Variants in SPIRE1 observed in about 807,000 individuals in gnomAD.
SPIRE1 encodes the protein protein spire homolog 1.
Under a neutral mutation model 94.1 loss-of-function variants are expected in SPIRE1, and 40 were observed. The ratio of observed to expected loss-of-function variants is 0.43; its 90% CI spans 0.33 to 0.55. The LOEUF is 0.55. SPIRE1 is among the 20% of genes least tolerant of loss of function. SPIRE1 has a pLI of 0.06. For missense variants in SPIRE1, 838 were observed against 975.2 expected (o/e 0.86, Z 1.87); for synonymous variants, 376 against 371.7 (o/e 1.01, Z -0.13).
chr18:12,597,254 T>TATAA (rs1278048412), intron 2 of SPIRE1, among the ~76,000 whole-genome samples: 1 of 151,630 alleles, frequency 6.6e-6, no homozygotes, highest in African/African-American at 2.4e-5. Flanking sequence ...ATAGCTTATT[T>TATAA]ATAACCCCCC....
chr18:12,456,698 G>A (rs2031522678), intron 12 of SPIRE1, among the ~76,000 whole-genome samples: 1 of 152,076 alleles, frequency 6.6e-6, no homozygotes. Flanking sequence ...TCATTTGTAG[G>A]GATACGCTAG....
At chr18:12,518,561 T>C (rs1292662233) in intron 4 of SPIRE1, among the ~76,000 whole-genome samples, 6 of 151,652 alleles carry the variant, frequency 4.0e-5, no homozygotes, top group African/African-American at 1.5e-4. Flanking sequence ...CTCATGCCTG[T>C]AGTCCCAACT....
chr18:12,603,852 C>T (rs1207302091), intron 2 of SPIRE1, among the ~76,000 whole-genome samples: 1 of 152,146 alleles, frequency 6.6e-6, no homozygotes, highest in South Asian at 2.1e-4. Flanking sequence ...GGATTACAGG[C>T]ATGAGCCACA....
intron 1 of SPIRE1, among the ~76,000 whole-genome samples, chr18:12,642,650 T>C (rs1332827779): frequency 6.6e-6 from 1 of 152,180 alleles, no homozygotes; most frequent in Non-Finnish European, 1.5e-5. Flanking sequence ...TGATGGCAAG[T>C]ACAGGATAGG....
At chr18:12,640,764 G>C (rs1202314383) in intron 1 of SPIRE1, among the ~76,000 whole-genome samples, 2 of 152,190 alleles carry the variant, frequency 1.3e-5, no homozygotes, top group African/African-American at 4.8e-5. Context: ...ACAGGCCTGG[G>C]AAGTGTTTGG....
At chr18:12,651,352 T>C (rs146580077) in intron 1 of SPIRE1, among the ~76,000 whole-genome samples, 3,281 of 151,936 alleles carry the variant, frequency 0.022, 120 homozygotes, top group African/African-American at 0.071. Flanking sequence ...ACACAAGAAA[T>C]ACAGAAAGAG....
Position 12,449,840 on chromosome 18 carries a change from T to C in SPIRE1, c.2069A>G (p.Lys690Arg), listed in dbSNP as rs2031137437. 1 of 1,613,992 alleles carries C rather than the reference T, an allele frequency of 6.2e-7. No individual in the cohort carries two copies. The highest frequency in any genetic ancestry group is 1.3e-5 in the African/African-American group (1 of 74,902). ...GGTGCTCCAGTCCTCCATCAACTCT[T>C]TGGGAAACTGGAGTTCTTCATCTGA... Reference protein sequence around the residue: ...DKSDEELQFPKELMEDWSTME... With the variant: ...DKSDEELQFPRELMEDWSTME... The change falls in exon 17 of 17, where the codon AAA becomes AGA. Residue 690 changes from lysine (K) to arginine (R), a missense_variant. By Grantham distance (26) the Lys-to-Arg change is conservative. Transcript: ENST00000409402.
chr18:12,621,375 T>C (rs554922848), intron 2 of SPIRE1, among the ~76,000 whole-genome samples: 4 of 152,278 alleles, frequency 2.6e-5, no homozygotes, highest in South Asian at 2.1e-4. Context: ...CTTAGGTATA[T>C]ATCCAAGAAA....
At chr18:12,550,652 A>C (rs1263336237) in intron 2 of SPIRE1, among the ~76,000 whole-genome samples, 1 of 151,958 alleles carries the variant, frequency 6.6e-6, no homozygotes, top group African/African-American at 2.4e-5. Flanking sequence ...ATGAGCCACT[A>C]TCTGTAATGC....
At chr18:12,583,015 T>C (rs116301336) in intron 2 of SPIRE1, among the ~76,000 whole-genome samples, 3,086 of 152,288 alleles carry the variant, frequency 0.02, 118 homozygotes, top group African/African-American at 0.07. Flanking sequence ...GCTTTACTAA[T>C]TCAATTCAAT....
At chr18:12,565,524 A>G (rs1162940781) in intron 2 of SPIRE1, among the ~76,000 whole-genome samples, 1 of 151,830 alleles carries the variant, frequency 6.6e-6, no homozygotes, top group Non-Finnish European at 1.5e-5. Context: ...ACAGGTGCAC[A>G]CCACCATGCC....
intron 3 of SPIRE1, among the ~76,000 whole-genome samples, chr18:12,540,956 C>T (rs1203537753): frequency 2.0e-5 from 3 of 152,140 alleles, no homozygotes; most frequent in Non-Finnish European, 4.4e-5. Flanking sequence ...TTGCTCTCAG[C>T]CTCAAGCGAT....
At chr18:12,634,265 A>ATAATAAT (rs372536958) in intron 2 of SPIRE1, among the ~76,000 whole-genome samples, 115 of 143,710 alleles carry the variant, frequency 8.0e-4, no homozygotes, top group South Asian at 1.8e-3. Flanking sequence ...AAATAAAAAA[A>ATAATAAT]AAAAAAAATA....
intron 2 of SPIRE1, among the ~76,000 whole-genome samples, chr18:12,582,316 G>A (rs563647792): frequency 5.6e-4 from 85 of 152,044 alleles, no homozygotes; most frequent in African/African-American, 2.0e-3. Flanking sequence ...TAGAGCAGAT[G>A]AAAAAAAGTA....
chr18:12,541,532 C>A (rs755006937), intron 3 of SPIRE1, among the ~76,000 whole-genome samples: 1 of 152,150 alleles, frequency 6.6e-6, no homozygotes, highest in Non-Finnish European at 1.5e-5. Context: ...TGCTATTTCT[C>A]CTTAGTAAAT....
intron 2 of SPIRE1, among the ~76,000 whole-genome samples, chr18:12,562,660 C>A (rs1386545160): frequency 9.3e-6 from 1 of 107,180 alleles, no homozygotes; most frequent in East Asian, 3.4e-4. Context: ...CCCCCCACCC[C>A]CAATGCCTGG....
At chr18:12,653,839 G>A (rs975884717) in intron 1 of SPIRE1, among the ~76,000 whole-genome samples, 3 of 151,960 alleles carry the variant, frequency 2.0e-5, no homozygotes, top group Non-Finnish European at 2.9e-5. Flanking sequence ...CCAGCTACTC[G>A]GGAGGCTGAG....
chr18:12,469,877 A>G (rs1195030250), intron 10 of SPIRE1, among the ~76,000 whole-genome samples: 2 of 151,220 alleles, frequency 1.3e-5, no homozygotes, highest in East Asian at 3.9e-4. Flanking sequence ...CTATTTAAAA[A>G]GCATATACTC....
At chr18:12,489,674 A>G (rs578114888) in intron 8 of SPIRE1, among the ~76,000 whole-genome samples, 12 of 152,346 alleles carry the variant, frequency 7.9e-5, no homozygotes, top group African/African-American at 2.9e-4. Context: ...ATAAAACCCA[A>G]TTTAGCCATC....
Sources: gnomAD v4.1 joint callset for allele counts (sites outside exome capture counted in the v4.1 genomes callset) on GRCh38, gnomAD v4.1.1 for gene constraint, MANE v1.5 for transcripts, NCBI Gene and HGNC (gene_info 2026-07-23, HGNC 2026-07-21) for gene names.